The following FAM76A variants were observed in gnomAD, a reference collection of about 807,000 sequenced individuals.
The protein encoded by FAM76A is protein FAM76A.
FAM76A carries 32 observed loss-of-function variants against 46.2 expected under a neutral mutation model. The ratio of observed to expected loss-of-function variants is 0.69; its 90% CI spans 0.52 to 0.93. The LOEUF is 0.93. Ranked by LOEUF, FAM76A falls within the 40% of genes least tolerant of loss-of-function variation. FAM76A has a pLI of 0.00. For synonymous variants in FAM76A, 137 were observed against 127.0 expected, an observed-to-expected ratio of 1.08 and a Z score of -0.53; for missense variants, 274 against 361.5, an observed-to-expected ratio of 0.76 and a Z score of 1.96.
At position 27,744,638 on chromosome 1, in the gene FAM76A, T is replaced by A; in HGVS notation, c.355-16T>A. The A allele has an allele frequency of 6.2e-7, 1 of 1,612,940 alleles. No homozygotes were observed. Among genetic ancestry groups the A allele is most frequent in the Non-Finnish European group, 8.5e-7 (1 of 1,179,130 alleles). Reference sequence around the variant, plus strand: ...CTAAATTCCCTCTTCTTTATCTTTGTCTCCTTGTCTTTCAGGTAGATGGGA... The same window carrying A: ...CTAAATTCCCTCTTCTTTATCTTTGACTCCTTGTCTTTCAGGTAGATGGGA... On this transcript the variant is annotated splice_polypyrimidine_tract_variant and intron_variant, in intron 4 of 8. Transcript: ENST00000373954.
chr1:27,755,292 C>T lies in FAM76A; in HGVS notation c.697C>T (p.His233Tyr). 6.2e-7 allele frequency: 1 copy of T among 1,614,150 alleles called. No individual in the cohort carries two copies. Residue 233 changes from histidine (H) to tyrosine (Y), a missense_variant, in exon 7 of 9, where the codon CAT (histidine) becomes TAT (tyrosine). His to Tyr is a moderately conservative substitution (Grantham distance 83). Coordinates refer to ENST00000373954, the MANE Select transcript of FAM76A (RefSeq NM_152660.3). ...EEVATLKKML[H>Y]QKDQMILEKE... ...AGTGGCTACCCTGAAGAAGATGTTG[C>T]ATCAAAAGGATCAAATGATTTTAGA... is the stretch of plus-strand genomic sequence containing the variant.
At chr1:27,759,104 G>C (rs1482288992) in intron 7 of FAM76A, among the ~76,000 whole-genome samples, 1 of 151,982 alleles carries the variant, frequency 6.6e-6, no homozygotes, top group Non-Finnish European at 1.5e-5. Flanking sequence ...GGGGGTCTGG[G>C]GTTTGAAATC....
At chr1:27,733,224 A>G (rs545459121) in intron 3 of FAM76A, among the ~76,000 whole-genome samples, 1 of 151,958 alleles carries the variant, frequency 6.6e-6, no homozygotes, top group East Asian at 1.9e-4. Flanking sequence ...GAGCCACTGC[A>G]CCCGGCAAGA....
intron 2 of FAM76A, among the ~76,000 whole-genome samples, chr1:27,728,078 T>C (rs1033541921): frequency 6.6e-6 from 1 of 152,174 alleles, no homozygotes; most frequent in African/African-American, 2.4e-5. Context: ...AGTGCTGGGA[T>C]TACAGGCGTG....
rs746938823 is a variant in FAM76A, at chr1:27,732,499, A to G, written c.147-104A>G. On this transcript the variant is annotated intron_variant, in intron 2 of 8. Coordinates refer to ENST00000373954, the MANE Select transcript of FAM76A (RefSeq NM_152660.3). ...CTAGTGTTAACCAAGCATCCAGACC[A>G]TATCTCACTTTGGCCCTTAGCAATG... 281 of 800,188 alleles carry G rather than the reference A, an allele frequency of 3.5e-4. 1 individual carries two copies. Among genetic ancestry groups the G allele is most frequent in the Non-Finnish European group, 3.0e-4 (145 of 482,158 alleles). 49.6% of individuals were successfully genotyped at this position (800,188 alleles called of 1,614,324 possible). A position where few individuals can be genotyped will look rare whatever the true frequency, so the allele number is the denominator to read the frequency against.
chr1:27,744,927 G>T, intron 5 of FAM76A, 116 bp downstream of exon 5: 1 of 959,500 alleles, frequency 1.0e-6, no homozygotes, highest in East Asian at 2.6e-5. Flanking sequence ...TTCTCTGTAG[G>T]TACTAGTCTG....
intron 4 of FAM76A, among the ~76,000 whole-genome samples, chr1:27,739,657 G>A (rs969422819): frequency 8.5e-5 from 13 of 152,082 alleles, no homozygotes; most frequent in Admixed American, 2.0e-4. Context: ...ATGTGGTGGT[G>A]CACGCCTGTA....
chr1:27,744,831 G>A lies in FAM76A; in HGVS notation c.512+20G>A, dbSNP rs1287667790. 1 of 1,610,438 alleles carries A rather than the reference G, an allele frequency of 6.2e-7. No individual in the cohort carries two copies. The highest frequency in any genetic ancestry group is 1.1e-5 in the South Asian group (1 of 90,824). On this transcript the variant is annotated intron_variant, in intron 5 of 8. Transcript: ENST00000373954. ...TAACAGGTAACCTCAAGACACATGA[G>A]ATGGGACTAGAAGTGCTGGTAGGTC... is the stretch of plus-strand genomic sequence containing the variant.
chr1:27,738,794 C>T (rs1413795323), intron 4 of FAM76A, among the ~76,000 whole-genome samples: 2 of 152,160 alleles, frequency 1.3e-5, no homozygotes, highest in East Asian at 3.9e-4. Flanking sequence ...CAGAGAGTGA[C>T]TGGGAAGTCA....
chr1:27,726,315 G>A (rs1304315171), intron 1 of FAM76A, among the ~76,000 whole-genome samples, 154 bp downstream of exon 1: 1 of 152,084 alleles, frequency 6.6e-6, no homozygotes, highest in African/African-American at 2.4e-5. Context: ...GGGGCCGGCG[G>A]GGCACGTGCG....
In FAM76A at chr1:27,759,631, AC is replaced by A; in HGVS notation, c.837+5del. On this transcript the variant is annotated splice_donor_5th_base_variant and intron_variant, in intron 8 of 8. Transcript: ENST00000373954. ...AGAAGTCACAGAACAACTGCAGGTGACTGACTCTGCTTATTTTATGTGCTAA... is the reference window on the plus strand; with the variant it reads ...AGAAGTCACAGAACAACTGCAGGTGATGACTCTGCTTATTTTATGTGCTAA... The A allele has an allele frequency of 6.2e-7, 1 of 1,605,342 alleles. No individual in the cohort carries two copies.
intron 7 of FAM76A, among the ~76,000 whole-genome samples, chr1:27,757,893 C>T (rs1269913525): frequency 1.3e-5 from 2 of 151,596 alleles, no homozygotes; most frequent in Admixed American, 6.6e-5. Context: ...AGGAGAATGG[C>T]GTGAACCGGT....
chr1:27,742,398 G>A (rs987606787), intron 4 of FAM76A, among the ~76,000 whole-genome samples: 9 of 152,128 alleles, frequency 5.9e-5, no homozygotes, highest in Non-Finnish European at 1.3e-4. Flanking sequence ...CTGCTCCATG[G>A]TGCAGAGTTA....
intron 5 of FAM76A, among the ~76,000 whole-genome samples, chr1:27,747,417 T>C (rs2088259242): frequency 6.6e-6 from 1 of 152,186 alleles, no homozygotes; most frequent in Non-Finnish European, 1.5e-5. Context: ...TATCAAATGC[T>C]GAAGAGAGGT....
At chr1:27,750,314 A>G (rs567796969) in intron 6 of FAM76A, among the ~76,000 whole-genome samples, 34 of 152,278 alleles carry the variant, frequency 2.2e-4, no homozygotes, top group African/African-American at 7.7e-4. Context: ...TGATTTTTAA[A>G]CTTCTTGAAT....
chr1:27,731,198 ATTTTTTT>A (rs34236376), intron 2 of FAM76A, among the ~76,000 whole-genome samples: 22 of 109,828 alleles, frequency 2.0e-4, no homozygotes, highest in Non-Finnish European at 3.5e-4. Flanking sequence ...AGAAATCAGA[ATTTTTTT>A]TTTTTTTTTT....
At chr1:27,728,719 T>C (rs1192081071) in intron 2 of FAM76A, among the ~76,000 whole-genome samples, 1 of 152,016 alleles carries the variant, frequency 6.6e-6, no homozygotes, top group Non-Finnish European at 1.5e-5. Context: ...CCCAACACTT[T>C]GGGAGGCTGA....
chr1:27,755,059 T>C (rs2088387369), intron 6 of FAM76A, 136 bp from the exon 7 acceptor site: 2 of 913,148 alleles, frequency 2.2e-6, no homozygotes, highest in East Asian at 2.5e-5. Flanking sequence ...GAGCCCAGCA[T>C]GTGTGGTGCA....
rs569211635 is a variant in FAM76A, at chr1:27,728,510, G to A, written c.146+974G>A. On this transcript the variant is annotated intron_variant, in intron 2 of 8. Coordinates refer to ENST00000373954, the MANE Select transcript of FAM76A (RefSeq NM_152660.3). The stretch of plus-strand genomic sequence containing the variant: ...TGGGACCACAGGTGTGTGCCACCAC[G>A]CCCAGCTAATTTTTTTATTTTTGTA... 3.9e-4 allele frequency among the ~76,000 whole-genome samples: 59 copies of A among 151,958 alleles called. 1 individual carries two copies. Among genetic ancestry groups the A allele is most frequent in the Admixed American group, 1.0e-3 (16 of 15,252 alleles).
Sources: allele counts gnomAD v4.1 joint callset (sites outside exome capture counted in the v4.1 genomes callset), GRCh38; gene constraint gnomAD v4.1.1; transcripts MANE v1.5; gene names NCBI Gene and HGNC (gene_info 2026-07-23, HGNC 2026-07-21).